GALNT13: variants seen among roughly 807,000 people sequenced by gnomAD.
The protein encoded by GALNT13 is UDP-GalNAc:polypeptide N-acetylgalactosaminyltransferase 13.
In GALNT13, 28 loss-of-function variants were observed where a neutral mutation model predicts 64.2. The ratio of observed to expected loss-of-function variants is 0.44; its 90% CI spans 0.32 to 0.60. The LOEUF (loss-of-function observed/expected upper bound fraction) is 0.60, where lower values mean the gene tolerates loss of function less well. GALNT13 is among the 20% of genes least tolerant of loss of function. GALNT13 has a pLI of 0.05. For synonymous variants in GALNT13, 214 were observed against 224.6 expected (o/e 0.95, Z 0.42); for missense variants, 577 against 669.8 (o/e 0.86, Z 1.53).
the GALNT13 span, among the ~76,000 whole-genome samples, chr2:153,798,669 A>G: frequency 6.6e-6 from 1 of 152,198 alleles, no homozygotes; most frequent in Non-Finnish European, 1.5e-5. Context: ...ACCAGTTTTA[A>G]TGAGAAAAGC....
chr2:153,290,039 G>C, the GALNT13 span, among the ~76,000 whole-genome samples: 2 of 151,998 alleles, frequency 1.3e-5, no homozygotes, highest in Admixed American at 1.3e-4. Context: ...AAAAATTTTA[G>C]CAAATTGATT....
intron 3 of GALNT13, among the ~76,000 whole-genome samples, chr2:153,955,990 G>C (rs968238597): frequency 4.6e-5 from 7 of 152,098 alleles, no homozygotes; most frequent in Non-Finnish European, 1.0e-4. Context: ...GCACACCCTG[G>C]CAAAAAAGGT....
the GALNT13 span, among the ~76,000 whole-genome samples, chr2:153,206,759 C>G: frequency 1.3e-5 from 2 of 152,034 alleles, no homozygotes; most frequent in Non-Finnish European, 2.9e-5. Context: ...TTATGAGAAC[C>G]AGCTAAAATA....
At chr2:154,426,351 G>T (rs974454211) in intron 11 of GALNT13, among the ~76,000 whole-genome samples, 1 of 152,138 alleles carries the variant, frequency 6.6e-6, no homozygotes, top group Non-Finnish European at 1.5e-5. Context: ...GCTAACCCAA[G>T]GTTGTATCTA....
At chr2:154,342,114 T>G (rs1008300267) in intron 9 of GALNT13, among the ~76,000 whole-genome samples, 8 of 152,010 alleles carry the variant, frequency 5.3e-5, no homozygotes, top group African/African-American at 1.9e-4. Context: ...AAACTCAATG[T>G]CTTCATTTGA....
At position 154,161,811 on chromosome 2, in the gene GALNT13, C is replaced by G. The variant is rs148558595; in HGVS notation, c.311+21306C>G. ...TTTTTTTTTTGTTTTCAGACGGTCT[C>G]GCTCTGTTGCCCAGGCTAGAGTACA... is the stretch of plus-strand genomic sequence containing the variant. On this transcript the variant is annotated intron_variant, in intron 4 of 12. Transcript: ENST00000392825. Among the ~76,000 whole-genome samples the G allele has an allele frequency of 8.1e-3, 1,219 of 150,794 alleles. 11 individuals are homozygous for G. Among genetic ancestry groups the G allele is most frequent in the South Asian group, 0.02 (97 of 4,780 alleles).
chr2:153,902,082 A>T (rs1315655858), intron 2 of GALNT13, among the ~76,000 whole-genome samples: 1 of 152,122 alleles, frequency 6.6e-6, no homozygotes, highest in African/African-American at 2.4e-5. Flanking sequence ...TGATCTTCAA[A>T]TTCTTTCACG....
At chr2:154,364,726 C>G (rs1226160721) in intron 9 of GALNT13, among the ~76,000 whole-genome samples, 1 of 152,052 alleles carries the variant, frequency 6.6e-6, no homozygotes, top group Non-Finnish European at 1.5e-5. Context: ...GGCTGGAATG[C>G]GATGGCGCGA....
At chr2:154,321,627 G>A (rs1694627886) in intron 9 of GALNT13, among the ~76,000 whole-genome samples, 1 of 151,862 alleles carries the variant, frequency 6.6e-6, no homozygotes, top group South Asian at 2.1e-4. Context: ...ATTTACCACA[G>A]AGAACATTTG....
the GALNT13 span, among the ~76,000 whole-genome samples, chr2:153,357,053 C>G: frequency 6.6e-6 from 1 of 152,098 alleles, no homozygotes; most frequent in African/African-American, 2.4e-5. Context: ...CTCAATCCAC[C>G]TGCCTTGGCC....
Position 154,338,717 on chromosome 2 carries a change from T to C in GALNT13, c.1156+37128T>C, listed in dbSNP as rs895039735. ...TTTCCGTAGGCATAAGGATAGTTCC[T>C]AGTTGTCTGGTACCAGGGCCTGGGA... On this transcript the variant is annotated intron_variant, in intron 9 of 12. Transcript: ENST00000392825. Among the ~76,000 whole-genome samples the C allele has an allele frequency of 9.9e-5, 15 of 152,204 alleles. No individual in the cohort carries two copies. In the South Asian group the frequency reaches 1.7e-3, roughly 17 times the overall value.
chr2:153,497,520 G>T, the GALNT13 span, among the ~76,000 whole-genome samples: 9 of 57,254 alleles, frequency 1.6e-4, no homozygotes, highest in African/African-American at 6.1e-4. Flanking sequence ...CGTTTCTCCC[G>T]CATTTTTTTT....
At chr2:153,588,320 C>T in the GALNT13 span, among the ~76,000 whole-genome samples, 12 of 152,240 alleles carry the variant, frequency 7.9e-5, no homozygotes. Flanking sequence ...TTTCCTTCTG[C>T]ACTGCCCTAG....
chr2:154,208,716 A>T (rs1052567891), intron 4 of GALNT13, among the ~76,000 whole-genome samples: 11 of 151,176 alleles, frequency 7.3e-5, no homozygotes, highest in Non-Finnish European at 1.5e-4. Flanking sequence ...CTAACATTAG[A>T]TAAGGATCAT....
the GALNT13 span, among the ~76,000 whole-genome samples, chr2:153,729,701 G>A: frequency 1.3e-5 from 2 of 151,980 alleles, no homozygotes; most frequent in African/African-American, 4.8e-5. Context: ...GAAGTATTCT[G>A]CTGACATGAT....
At chr2:153,835,608 ATAAACT>A in the GALNT13 span, among the ~76,000 whole-genome samples, 3 of 152,074 alleles carry the variant, frequency 2.0e-5, no homozygotes, top group South Asian at 6.2e-4. Flanking sequence ...ATTGAAATTA[ATAAACT>A]TAAAACTTAC....
chr2:154,102,640 T>C (rs56778148), intron 3 of GALNT13, among the ~76,000 whole-genome samples: 12,888 of 152,018 alleles, frequency 0.085, 1,506 homozygotes, highest in East Asian at 0.61. Context: ...CCAAACATCG[T>C]AACCAAACAT....
intron 12 of GALNT13, among the ~76,000 whole-genome samples, chr2:154,440,749 C>T (rs1701249039): frequency 6.6e-6 from 1 of 151,980 alleles, no homozygotes; most frequent in Non-Finnish European, 1.5e-5. Flanking sequence ...AATGACAGCA[C>T]TTTGCCAAAT....
At chr2:153,331,229 T>G in the GALNT13 span, among the ~76,000 whole-genome samples, 1 of 18,848 alleles carries the variant, frequency 5.3e-5, no homozygotes, top group African/African-American at 1.9e-4. Context: ...TTGGCCTATG[T>G]TTTTTTTTTT....
Sources: allele counts gnomAD v4.1 joint callset (sites outside exome capture counted in the v4.1 genomes callset), GRCh38; gene constraint gnomAD v4.1.1; transcripts MANE v1.5; gene names NCBI Gene and HGNC (gene_info 2026-07-23, HGNC 2026-07-21).